The following NEK10 variants were observed in gnomAD, a reference collection of about 807,000 sequenced individuals.
NEK10 encodes the protein serine/threonine-protein kinase Nek10.
In NEK10, 122 loss-of-function variants were observed where a neutral mutation model predicts 159.8. That is an observed-to-expected ratio of 0.76 (90% CI 0.66 to 0.89). The LOEUF (loss-of-function observed/expected upper bound fraction) is 0.89, where lower values mean the gene tolerates loss of function less well. Among genes scored for constraint, NEK10 ranks in the 40% least tolerant of loss-of-function variants. NEK10 has a pLI of 0.00. For missense variants in NEK10, 1,342 were observed against 1,323.1 expected (o/e 1.01, Z -0.22); for synonymous variants, 466 against 457.1 (o/e 1.02, Z -0.25).
chr3:27,331,638 C>T (rs1200209567), intron 5 of NEK10, among the ~76,000 whole-genome samples: 1 of 152,194 alleles, frequency 6.6e-6, no homozygotes, highest in African/African-American at 2.4e-5. Flanking sequence ...GAGTCACTTG[C>T]TTCATGATCT....
Position 27,192,628 on chromosome 3 carries a change from C to G in NEK10, c.2292-386G>C, listed in dbSNP as rs139436547. Among the ~76,000 whole-genome samples the G allele has an allele frequency of 2.9e-3, 441 of 150,670 alleles. 4 individuals carry two copies. The highest frequency in any genetic ancestry group is 9.1e-3 in the African/African-American group (373 of 41,160). ...AAAAAAAAAAAGCCCAGTGTCTAAACCTTTCATTAGTGTGGATATTCTAAA... is the reference window on the plus strand; with the variant it reads ...AAAAAAAAAAAGCCCAGTGTCTAAAGCTTTCATTAGTGTGGATATTCTAAA... On this transcript the variant is annotated intron_variant, in intron 25 of 35. Transcript: ENST00000691995.
chr3:27,326,930 TATACACAC>T (rs1267121028), intron 5 of NEK10, among the ~76,000 whole-genome samples: 5 of 152,186 alleles, frequency 3.3e-5, no homozygotes, highest in East Asian at 1.9e-4. Context: ...TCTTCAAGAC[TATACACAC>T]ATATACACAT....
intron 33 of NEK10, among the ~76,000 whole-genome samples, chr3:27,119,246 A>C (rs983866226): frequency 2.0e-5 from 3 of 152,190 alleles, no homozygotes; most frequent in Admixed American, 6.5e-5. Context: ...TCAGCTACTA[A>C]ATGGTTTAGC....
rs148321187 is a variant in NEK10 at position 27,270,248 on chromosome 3, G to T, written c.2015-13877C>A. On this transcript the variant is annotated intron_variant, in intron 22 of 35. Transcript: ENST00000691995. The stretch of plus-strand genomic sequence containing the variant: ...TAGTAAAGGTTATTCTGCTGAAGAG[G>T]TTATATAGAGAAGAGCAGCCCTCAA... Among the ~76,000 whole-genome samples, 1,295 of 152,222 alleles carry T rather than the reference G, an allele frequency of 8.5e-3. 9 individuals carry two copies. The highest frequency in any genetic ancestry group is 0.015 in the Non-Finnish European group (995 of 68,020).
At chr3:27,284,172 G>C (rs2042404659) in intron 22 of NEK10, among the ~76,000 whole-genome samples, 1 of 152,096 alleles carries the variant, frequency 6.6e-6, no homozygotes, top group South Asian at 2.1e-4. Context: ...GATCACACAA[G>C]GCCAGGAGTT....
At chr3:27,329,477 T>G (rs905093473) in intron 5 of NEK10, among the ~76,000 whole-genome samples, 3 of 152,170 alleles carry the variant, frequency 2.0e-5, no homozygotes, top group African/African-American at 7.2e-5. Context: ...GACTGTCAGT[T>G]ACTTCCTGGC....
chr3:27,208,929 A>T (rs1319684399), intron 23 of NEK10, among the ~76,000 whole-genome samples: 1 of 152,168 alleles, frequency 6.6e-6, no homozygotes, highest in African/African-American at 2.4e-5. Context: ...TTGATACCTA[A>T]ACAGCTCTAA....
At chr3:27,178,658 G>T (rs1947763778) in intron 26 of NEK10, among the ~76,000 whole-genome samples, 1 of 152,160 alleles carries the variant, frequency 6.6e-6, no homozygotes, top group Non-Finnish European at 1.5e-5. Context: ...GCCATTGACT[G>T]CATACTATTG....
rs1478597906 is a variant in NEK10, at chr3:27,291,594, G to GAATA, written c.1374-12_1374-9dup. The GAATA allele has an allele frequency of 1.4e-6, 2 of 1,447,410 alleles. No homozygotes were observed. The highest frequency in any genetic ancestry group is 3.4e-5 in the Admixed American group (2 of 59,568). 89.7% of individuals were successfully genotyped at this position (1,447,410 alleles called of 1,614,324 possible). A position where few individuals can be genotyped will look rare whatever the true frequency, so the allele number is the denominator to read the frequency against. ...AAGTCTGTGGGGAAAAGTCTACAGA[G>GAATA]AATATTACACACACTTAAAGTAGAA... On this transcript the variant is annotated splice_polypyrimidine_tract_variant and intron_variant, in intron 16 of 35. Coordinates refer to ENST00000691995, the MANE Select transcript of NEK10 (RefSeq NM_001394966.1).
chr3:27,181,549 A>T (rs527414819), intron 26 of NEK10, among the ~76,000 whole-genome samples: 12 of 152,244 alleles, frequency 7.9e-5, no homozygotes, highest in African/African-American at 2.6e-4. Flanking sequence ...GTTCAAACCC[A>T]CATTGTTTAA....
intron 23 of NEK10, among the ~76,000 whole-genome samples, chr3:27,202,916 T>C (rs1950176169): frequency 6.6e-6 from 1 of 152,210 alleles, no homozygotes; most frequent in Admixed American, 6.5e-5. Context: ...GGTAGCCTCT[T>C]CTGGGCAGTG....
intron 23 of NEK10, among the ~76,000 whole-genome samples, chr3:27,235,089 T>C (rs1490713887): frequency 6.6e-6 from 1 of 151,952 alleles, no homozygotes; most frequent in African/African-American, 2.4e-5. Flanking sequence ...TGAACCCCTT[T>C]CTTATACCAC....
intron 6 of NEK10, among the ~76,000 whole-genome samples, chr3:27,318,055 G>A (rs1330694950): frequency 6.6e-6 from 1 of 152,042 alleles, no homozygotes; most frequent in East Asian, 1.9e-4. Flanking sequence ...CACCCACCTC[G>A]GCCTCCTAAA....
rs1432614234 is a variant in NEK10, at chr3:27,108,665, A to T, written c.*2607T>A. ...ACAAGAGAAAGGGAAAAAATATATA[A>T]ATGCAATCAAGAAAAGATTAAGAGG... On this transcript the variant is annotated 3_prime_UTR_variant, in exon 36 of 36. Coordinates refer to ENST00000691995, the MANE Select transcript of NEK10 (RefSeq NM_001394966.1). Among the ~76,000 whole-genome samples, 4 of 152,220 alleles carry T rather than the reference A, an allele frequency of 2.6e-5. No homozygotes were observed. Among genetic ancestry groups the T allele is most frequent in the Non-Finnish European group, 5.9e-5 (4 of 68,044 alleles).
intron 5 of NEK10, among the ~76,000 whole-genome samples, chr3:27,343,314 A>G (rs1490016080): frequency 6.6e-6 from 1 of 152,238 alleles, no homozygotes; most frequent in Non-Finnish European, 1.5e-5. Context: ...AGGACCTGTC[A>G]GAATGCTGTT....
At chr3:27,255,386 G>C (rs1956072719) in intron 23 of NEK10, 1 of 273,170 alleles carries the variant, frequency 3.7e-6, no homozygotes, top group African/African-American at 2.2e-5. Context: ...GAACACTTCT[G>C]CATGAAAGGA....
intron 6 of NEK10, among the ~76,000 whole-genome samples, chr3:27,320,766 C>T (rs1162172948): frequency 6.6e-6 from 1 of 152,146 alleles, no homozygotes; most frequent in Admixed American, 6.5e-5. Flanking sequence ...GTTTAGAATA[C>T]AGTATGAGGA....
At position 27,174,537 on chromosome 3, in the gene NEK10, T is replaced by C. The variant is rs963965943; in HGVS notation, c.2690-12A>G. 3.1e-6 allele frequency: 5 copies of C among 1,600,494 alleles called. No individual in the cohort carries two copies. The African/African-American group carries it at 6.8e-5, about 22-fold the overall frequency. On this transcript the variant is annotated splice_polypyrimidine_tract_variant and intron_variant, in intron 27 of 35. Coordinates refer to ENST00000691995, the MANE Select transcript of NEK10 (RefSeq NM_001394966.1). Reference sequence around the variant, plus strand: ...CTCTGAATATGTATCTGCACATTAATAAAAACAATAAAAAAGCAAATGAGT... The same window carrying C: ...CTCTGAATATGTATCTGCACATTAACAAAAACAATAAAAAAGCAAATGAGT...
intron 3 of NEK10, 98 bp downstream of exon 3, chr3:27,352,367 A>C (rs1393860207): frequency 2.5e-6 from 2 of 798,028 alleles, no homozygotes; most frequent in African/African-American, 3.4e-5. Context: ...ATGAGCAAAG[A>C]AAAGCAGACA....
Sources: allele counts gnomAD v4.1 joint callset (sites outside exome capture counted in the v4.1 genomes callset), GRCh38; gene constraint gnomAD v4.1.1; transcripts MANE v1.5; gene names NCBI Gene and HGNC (gene_info 2026-07-23, HGNC 2026-07-21).